The following ATRN variants were observed in gnomAD, a reference collection of about 807,000 sequenced individuals.
ATRN encodes attractin-2.
ATRN carries 54 observed loss-of-function variants against 178.7 expected under a neutral mutation model. The ratio of observed to expected loss-of-function variants is 0.30; its 90% CI spans 0.24 to 0.38. The LOEUF is 0.38. Among genes scored for constraint, ATRN ranks in the 10% least tolerant of loss-of-function variants. ATRN has a pLI of 1.00. For missense variants in ATRN, 1,443 were observed against 1,815.1 expected, an observed-to-expected ratio of 0.79 and a Z score of 3.73; for synonymous variants, 636 against 663.0, an observed-to-expected ratio of 0.96 and a Z score of 0.63.
intron 1 of ATRN, chr20:3,489,738 T>C (rs1600018045): frequency 3.2e-6 from 5 of 1,543,620 alleles, no homozygotes; most frequent in East Asian, 4.5e-5. Flanking sequence ...CCTCATGCCA[T>C]GAGCATGATG....
intron 7 of ATRN, 138 bp downstream of exon 7, chr20:3,559,621 T>C: frequency 1.6e-6 from 1 of 638,620 alleles, no homozygotes; most frequent in South Asian, 2.1e-5. Context: ...TATAATTGGC[T>C]AAGTTATAAG....
At chr20:3,630,143 A>G (rs1436264689) in intron 25 of ATRN, among the ~76,000 whole-genome samples, 1 of 152,128 alleles carries the variant, frequency 6.6e-6, no homozygotes, top group Admixed American at 6.6e-5. Context: ...CCCATGAGTC[A>G]TTCATTAGCA....
intron 25 of ATRN, among the ~76,000 whole-genome samples, chr20:3,628,711 A>G (rs1014147137): frequency 2.0e-5 from 3 of 151,964 alleles, no homozygotes; most frequent in African/African-American, 4.8e-5. Flanking sequence ...GCAGGACACT[A>G]TATTGCCAAA....
intron 1 of ATRN, among the ~76,000 whole-genome samples, chr20:3,511,098 A>G (rs1005402728): frequency 3.3e-5 from 5 of 152,220 alleles, no homozygotes; most frequent in African/African-American, 9.6e-5. Context: ...CCTTTGAGAT[A>G]CAGCTAATGG....
intron 16 of ATRN, 30 bp from the exon 17 acceptor site, chr20:3,583,868 C>T (rs1031872633): frequency 1.2e-6 from 2 of 1,602,152 alleles, no homozygotes; most frequent in Non-Finnish European, 1.7e-6. Context: ...GGTGGGAGCT[C>T]TAAGTGTCTC....
At chr20:3,619,885 T>C (rs377623458) in intron 24 of ATRN, among the ~76,000 whole-genome samples, 126 of 152,304 alleles carry the variant, frequency 8.3e-4, no homozygotes, top group African/African-American at 2.9e-3. Context: ...CACTCTTGTG[T>C]GGCACAGGCT....
chr20:3,562,051 C>T (rs1359347058), intron 8 of ATRN, among the ~76,000 whole-genome samples: 1 of 152,146 alleles, frequency 6.6e-6, no homozygotes, highest in South Asian at 2.1e-4. Flanking sequence ...TTAGTTAATT[C>T]TTTTCCTACA....
intron 3 of ATRN, among the ~76,000 whole-genome samples, chr20:3,541,281 G>A (rs1431028333): frequency 6.6e-6 from 1 of 151,924 alleles, no homozygotes; most frequent in Non-Finnish European, 1.5e-5. Flanking sequence ...GTTTCACCGT[G>A]TTAGCCAGGA....
At chr20:3,491,597 C>T (rs1276533836) in intron 1 of ATRN, among the ~76,000 whole-genome samples, 3 of 152,198 alleles carry the variant, frequency 2.0e-5, no homozygotes, top group Non-Finnish European at 4.4e-5. Flanking sequence ...ATGTTCTTCT[C>T]AGTCTGGGGA....
At chr20:3,627,608 T>C (rs1393872930) in intron 25 of ATRN, among the ~76,000 whole-genome samples, 1 of 152,210 alleles carries the variant, frequency 6.6e-6, no homozygotes, top group Non-Finnish European at 1.5e-5. Context: ...ATGGTATATG[T>C]AGCCAATGTC....
intron 24 of ATRN, among the ~76,000 whole-genome samples, chr20:3,623,836 A>G (rs563790863): frequency 8.1e-4 from 124 of 152,320 alleles, no homozygotes; most frequent in Non-Finnish European, 9.4e-4. Flanking sequence ...TCAGTGACTT[A>G]AAAAGCATTA....
At chr20:3,502,894 C>G (rs1260482586) in intron 1 of ATRN, among the ~76,000 whole-genome samples, 1 of 152,140 alleles carries the variant, frequency 6.6e-6, no homozygotes, top group East Asian at 1.9e-4. Context: ...CTCTCCTACC[C>G]AGAGATATGG....
intron 1 of ATRN, among the ~76,000 whole-genome samples, chr20:3,479,648 A>G (rs769754693): frequency 2.6e-5 from 4 of 152,232 alleles, no homozygotes; most frequent in South Asian, 2.1e-4. Context: ...ATAAAACAAC[A>G]GAAATTTATT....
chr20:3,488,112 C>T (rs1178753555), intron 1 of ATRN, among the ~76,000 whole-genome samples: 4 of 152,132 alleles, frequency 2.6e-5, no homozygotes, highest in Non-Finnish European at 5.9e-5. Flanking sequence ...TTTCAGGTCT[C>T]TATTTTTGGC....
chr20:3,518,156 T>G (rs1037649770), intron 1 of ATRN, among the ~76,000 whole-genome samples: 1 of 152,206 alleles, frequency 6.6e-6, no homozygotes, highest in Non-Finnish European at 1.5e-5. Flanking sequence ...AATGACTGAT[T>G]CACTAAGATG....
At chr20:3,490,931 C>T in intron 1 of ATRN, 1 of 1,433,770 alleles carries the variant, frequency 7.0e-7, no homozygotes, top group Middle Eastern at 1.9e-4. Context: ...TAGTGAGCAT[C>T]TCTTTGGCCA....
At chr20:3,535,104 G>T in intron 1 of ATRN, 149 bp from the exon 2 acceptor site, 1 of 241,170 alleles carries the variant, frequency 4.1e-6, no homozygotes, top group Non-Finnish European at 7.7e-6. Context: ...TTTTCTACTG[G>T]TTATAGTGTT....
At chr20:3,471,566 C>A (rs199693672) in intron 1 of ATRN, 49 bp downstream of exon 1, 15,924 of 1,365,632 alleles carry the variant, frequency 0.012, 150 homozygotes, top group Non-Finnish European at 0.013. Context: ...GAGGCTGGGG[C>A]TGAGGGGCGT....
chr20:3,547,523 AT>A (rs2146201986), intron 5 of ATRN, 34 bp downstream of exon 5: 1 of 1,514,786 alleles, frequency 6.6e-7, no homozygotes, highest in Non-Finnish European at 9.1e-7. Flanking sequence ...TTTTTCTTCC[AT>A]TTATAGAACA....
Sources: allele counts gnomAD v4.1 joint callset (sites outside exome capture counted in the v4.1 genomes callset), GRCh38; gene constraint gnomAD v4.1.1; transcripts MANE v1.5; gene names NCBI Gene and HGNC (gene_info 2026-07-23, HGNC 2026-07-21).